The following DECR1 variants were observed in gnomAD, a reference collection of about 807,000 sequenced individuals.
DECR1 encodes 2,4-dienoyl-CoA reductase [(3E)-enoyl-CoA-producing], mitochondrial.
Under a neutral mutation model 38.8 loss-of-function variants are expected in DECR1, and 44 were observed. That is an observed-to-expected ratio of 1.13 (90% CI 0.89 to 1.46). The LOEUF (loss-of-function observed/expected upper bound fraction) is 1.46. DECR1 is among the 40% of genes most tolerant of loss of function. The probability of loss-of-function intolerance (pLI) is 0.00; values close to 1 mark genes in which losing one functional copy is unlikely to be tolerated. For synonymous variants in DECR1, 148 were observed against 135.2 expected (o/e 1.09, Z -0.66); for missense variants, 428 against 405.5 (o/e 1.06, Z -0.48).
chr8:90,007,760 A>G lies in DECR1; in HGVS notation c.69+6199A>G, dbSNP rs975013833. Reference sequence around the variant, plus strand: ...AGTTATCCAGAGTTTCTTACAGCCCATGGTAGAAAGCATGCAATAGATGTT... The same window carrying G: ...AGTTATCCAGAGTTTCTTACAGCCCGTGGTAGAAAGCATGCAATAGATGTT... On this transcript the variant is annotated intron_variant, in intron 1 of 9. Transcript: ENST00000220764. 2.0e-5 allele frequency among the ~76,000 whole-genome samples: 3 copies of G among 152,244 alleles called. No homozygotes were observed. The South Asian group carries it at 6.2e-4, about 31-fold the overall frequency.
rs960005245 is a variant in DECR1, at chr8:90,009,358, A to G, written c.70-7766A>G. ...GAGGCCTTTGCTGATGACTCTATTT[A>G]AAGTAGCAATGCTCTATCCCTATTC... On this transcript the variant is annotated intron_variant, in intron 1 of 9. Transcript: ENST00000220764. Among the ~76,000 whole-genome samples, 4 of 152,176 alleles carry G rather than the reference A, an allele frequency of 2.6e-5. No homozygotes were observed. The East Asian group carries it at 7.7e-4, about 29-fold the overall frequency.
Position 90,017,403 on chromosome 8 carries a change from C to T in DECR1, c.272+77C>T, listed in dbSNP as rs551407084. ...GTGCCATAGTATTGAAAACACTGTT[C>T]GCCAGAGTTGTTTGATTAGCATCTT... On this transcript the variant is annotated intron_variant, in intron 2 of 9. Transcript: ENST00000220764. 3.3e-5 allele frequency: 36 copies of T among 1,099,936 alleles called. No individual in the cohort carries two copies. The East Asian group carries it at 5.4e-4, about 17-fold the overall frequency. 68.1% of individuals were successfully genotyped at this position (1,099,936 alleles called of 1,614,324 possible).
At chr8:90,043,487 C>G (rs1439294033) in intron 7 of DECR1, among the ~76,000 whole-genome samples, 3 of 152,220 alleles carry the variant, frequency 2.0e-5, no homozygotes, top group African/African-American at 4.8e-5. Context: ...ACTCACACTT[C>G]TCTTGGTTTT....
intron 1 of DECR1, among the ~76,000 whole-genome samples, chr8:90,013,610 G>T (rs1812940119): frequency 6.6e-6 from 1 of 152,008 alleles, no homozygotes. Context: ...ACTTAATCAT[G>T]TGGTAAGGTG....
At chr8:90,029,098 T>A (rs911427722) in intron 5 of DECR1, among the ~76,000 whole-genome samples, 4 of 152,150 alleles carry the variant, frequency 2.6e-5, no homozygotes, top group Non-Finnish European at 5.9e-5. Flanking sequence ...CTGTGACTTT[T>A]TATTGTAGTC....
chr8:90,018,881 T>C (rs374823946), intron 2 of DECR1, 28 bp from the exon 3 acceptor site: 2 of 1,519,804 alleles, frequency 1.3e-6, no homozygotes, highest in Non-Finnish European at 9.0e-7. Context: ...AAATATAATA[T>C]GAAGTCATAC....
At chr8:90,025,939 T>G (rs1813323619) in intron 5 of DECR1, among the ~76,000 whole-genome samples, 1 of 152,232 alleles carries the variant, frequency 6.6e-6, no homozygotes, top group Admixed American at 6.5e-5. Context: ...GAAGGGCGGT[T>G]GAATTTTGTC....
intron 1 of DECR1, 48 bp from the exon 2 acceptor site, chr8:90,017,076 T>C: frequency 7.2e-7 from 1 of 1,397,824 alleles, no homozygotes; most frequent in African/African-American, 1.4e-5. Flanking sequence ...ATTCATCTGT[T>C]TTTTGGAAAT....
intron 5 of DECR1, chr8:90,030,319 A>G (rs575779968): frequency 6.6e-6 from 1 of 152,178 alleles, no homozygotes; most frequent in Non-Finnish European, 1.5e-5. Flanking sequence ...ACTTAAAAAC[A>G]TGCTACATCT....
intron 6 of DECR1, among the ~76,000 whole-genome samples, chr8:90,038,665 G>C (rs1031530625): frequency 1.3e-5 from 2 of 151,900 alleles, no homozygotes; most frequent in Non-Finnish European, 2.9e-5. Flanking sequence ...CTCCATTAAC[G>C]TAACATTAAA....
chr8:90,016,935 GCT>G (rs796814159), intron 1 of DECR1, 187 bp from the exon 2 acceptor site: 14 of 536,842 alleles, frequency 2.6e-5, no homozygotes, highest in South Asian at 1.5e-4. Flanking sequence ...ATGTAGTCCA[GCT>G]CCAGAGCCTG....
intron 8 of DECR1, among the ~76,000 whole-genome samples, chr8:90,049,936 C>A (rs1333868700): frequency 6.6e-6 from 1 of 152,198 alleles, no homozygotes; most frequent in South Asian, 2.1e-4. Flanking sequence ...AAAGGATTCC[C>A]TGTTTAATAA....
chr8:90,047,606 T>C (rs1372621827), intron 8 of DECR1, among the ~76,000 whole-genome samples: 1 of 152,142 alleles, frequency 6.6e-6, no homozygotes, highest in African/African-American at 2.4e-5. Context: ...CGCCCCACTG[T>C]CAATATTAGA....
chr8:90,047,582 A>G (rs963929057), intron 8 of DECR1, among the ~76,000 whole-genome samples: 17 of 152,188 alleles, frequency 1.1e-4, no homozygotes, highest in African/African-American at 3.9e-4. Context: ...CACAATAATA[A>G]TGGGAGACTT....
intron 5 of DECR1, among the ~76,000 whole-genome samples, chr8:90,024,647 A>C (rs145535542): frequency 0.042 from 6,392 of 152,082 alleles, 275 homozygotes; most frequent in East Asian, 0.19. Flanking sequence ...AGATTGCATA[A>C]ATTTTCTCCC....
rs902789817 is a variant in DECR1 at position 90,019,206 on chromosome 8, A to G, written c.417+34A>G. 5 of 1,546,538 alleles carry G rather than the reference A, an allele frequency of 3.2e-6. No homozygotes were observed. In the African/African-American group the frequency reaches 6.8e-5, roughly 21 times the overall value. ...AGCAATGATGAAGCCAAAGTGCAAG[A>G]CACTTGATGTTGATAACACCCACCA... On this transcript the variant is annotated intron_variant, in intron 4 of 9. Transcript: ENST00000220764.
chr8:90,013,775 T>C (rs1812944508), intron 1 of DECR1, among the ~76,000 whole-genome samples: 1 of 152,226 alleles, frequency 6.6e-6, no homozygotes, highest in Non-Finnish European at 1.5e-5. Flanking sequence ...CCCTAGACAT[T>C]TTAGACTAGC....
intron 5 of DECR1, among the ~76,000 whole-genome samples, chr8:90,030,705 C>A (rs1813474364): frequency 6.6e-6 from 1 of 152,168 alleles, no homozygotes. Flanking sequence ...AGTGTGAGTG[C>A]AAGGTGTATG....
chr8:90,021,590 G>A (rs1813165892), intron 5 of DECR1, among the ~76,000 whole-genome samples: 1 of 152,242 alleles, frequency 6.6e-6, no homozygotes, highest in African/African-American at 2.4e-5. Context: ...TTCCATTGAA[G>A]GTGGAACAAA....
Sources: gnomAD v4.1 joint callset for allele counts (sites outside exome capture counted in the v4.1 genomes callset) on GRCh38, gnomAD v4.1.1 for gene constraint, MANE v1.5 for transcripts, NCBI Gene and HGNC (gene_info 2026-07-23, HGNC 2026-07-21) for gene names.